SEMA3C: variants seen among roughly 807,000 people sequenced by gnomAD.
The protein encoded by SEMA3C is semaphorin-3C.
A neutral mutation model predicts 89.4 loss-of-function variants in SEMA3C; 47 were observed. That is an observed-to-expected ratio of 0.53 (90% CI 0.42 to 0.67). SEMA3C has a LOEUF of 0.67. Ranked by LOEUF, SEMA3C falls within the 30% of genes least tolerant of loss-of-function variation. The pLI, the probability that SEMA3C is intolerant of heterozygous loss-of-function variation, is 0.00. For synonymous variants in SEMA3C, 310 were observed against 320.2 expected (o/e 0.97, Z 0.34); for missense variants, 839 against 929.1 (o/e 0.90, Z 1.26).
Position 80,805,706 on chromosome 7 carries a change from A to T in SEMA3C, c.591T>A (p.Ala197=). The change falls in exon 7 of 18, where the codon GCT becomes GCA. Residue 197 remains alanine, a synonymous_variant. Transcript: ENST00000265361. ...MYIDFMGTDA[A]IFRSLTKRNA... ...TCCTCTTGGTTAAACTTCGAAAAAT[A>T]GCAGCATCTGTCCCCATGAAATCTA... 1 of 1,610,222 alleles carries T rather than the reference A, an allele frequency of 6.2e-7. No individual in the cohort carries two copies. The highest frequency in any genetic ancestry group is 8.5e-7 in the Non-Finnish European group (1 of 1,176,848).
chr7:80,798,257 A>G (rs772883572), intron 10 of SEMA3C, 21 bp from the exon 11 acceptor site: 14 of 1,408,024 alleles, frequency 9.9e-6, no homozygotes, highest in South Asian at 5.3e-5. Flanking sequence ...AAACAGAAAA[A>G]GGCATTTTCA....
intron 9 of SEMA3C, 83 bp downstream of exon 9, chr7:80,802,582 C>A (rs944690459): frequency 2.6e-6 from 2 of 783,822 alleles, no homozygotes; most frequent in African/African-American, 3.5e-5. Flanking sequence ...ATGGAAAGTA[C>A]ATCTTCTTTT....
At chr7:80,910,098 C>G (rs1426272846) in intron 2 of SEMA3C, among the ~76,000 whole-genome samples, 9 of 152,112 alleles carry the variant, frequency 5.9e-5, no homozygotes. Context: ...TATACAAGCA[C>G]TGCTCATAAT....
chr7:80,848,511 C>T (rs979672697), intron 2 of SEMA3C, among the ~76,000 whole-genome samples: 1 of 152,192 alleles, frequency 6.6e-6, no homozygotes, highest in Non-Finnish European at 1.5e-5. Flanking sequence ...AAGGTCACGT[C>T]ATGGTGCCCC....
intron 2 of SEMA3C, among the ~76,000 whole-genome samples, chr7:80,877,735 G>C (rs1469889648): frequency 6.6e-6 from 1 of 152,058 alleles, no homozygotes; most frequent in South Asian, 2.1e-4. Flanking sequence ...TCTAGTCTTT[G>C]GTTATGCAGT....
At chr7:80,902,967 AT>A (rs998604726) in intron 2 of SEMA3C, among the ~76,000 whole-genome samples, 54 of 152,204 alleles carry the variant, frequency 3.5e-4, no homozygotes, top group African/African-American at 1.3e-3. Context: ...AGCCCGCTGA[AT>A]TACTGGCACC....
In SEMA3C at chr7:80,780,880, T is replaced by C. The variant is rs573796914; in HGVS notation, c.1354+8426A>G. On this transcript the variant is annotated intron_variant, in intron 12 of 17. Coordinates refer to ENST00000265361, the MANE Select transcript of SEMA3C (RefSeq NM_006379.5). ...GCCTGAGCCACAAAGCAAGACCCTG[T>C]CTCATAAAACAACACAAATTTATTA... Among the ~76,000 whole-genome samples, 492 of 152,260 alleles carry C rather than the reference T, an allele frequency of 3.2e-3. 3 individuals carry two copies. Among genetic ancestry groups the C allele is most frequent in the African/African-American group, 0.01 (429 of 41,558 alleles).
At chr7:80,783,836 A>G (rs1788742358) in intron 12 of SEMA3C, among the ~76,000 whole-genome samples, 1 of 152,188 alleles carries the variant, frequency 6.6e-6, no homozygotes, top group African/African-American at 2.4e-5. Context: ...TCCTGGAACC[A>G]ATGTTCCAAC....
chr7:80,898,194 C>T (rs903429108), intron 2 of SEMA3C, among the ~76,000 whole-genome samples: 1 of 151,714 alleles, frequency 6.6e-6, no homozygotes, highest in Non-Finnish European at 1.5e-5. Flanking sequence ...CTGAACCCCG[C>T]GTGCCGACGA....
At chr7:80,894,732 A>AT (rs529477719) in intron 2 of SEMA3C, among the ~76,000 whole-genome samples, 1 of 151,608 alleles carries the variant, frequency 6.6e-6, no homozygotes. Context: ...TTTCATAACT[A>AT]TTTTTTTTAA....
intron 2 of SEMA3C, among the ~76,000 whole-genome samples, chr7:80,867,785 A>T (rs1315062692): frequency 6.6e-6 from 1 of 152,184 alleles, no homozygotes; most frequent in Non-Finnish European, 1.5e-5. Context: ...AAACACTCAA[A>T]ATCTTTACAG....
intron 2 of SEMA3C, among the ~76,000 whole-genome samples, chr7:80,861,747 ATG>A (rs1280721233): frequency 6.6e-6 from 1 of 152,216 alleles, no homozygotes; most frequent in Non-Finnish European, 1.5e-5. Context: ...GAATTAAACA[ATG>A]CATCTCAGAT....
chr7:80,780,308 G>A (rs925554019), intron 12 of SEMA3C, among the ~76,000 whole-genome samples: 8 of 152,138 alleles, frequency 5.3e-5, no homozygotes, highest in African/African-American at 1.7e-4. Context: ...AAGTCCTGGA[G>A]TGCAATAAGC....
intron 12 of SEMA3C, among the ~76,000 whole-genome samples, chr7:80,781,755 C>T (rs953481042): frequency 2.6e-5 from 4 of 152,142 alleles, no homozygotes; most frequent in Admixed American, 6.5e-5. Flanking sequence ...TTAATGTCTT[C>T]AGGCTAGAAA....
At chr7:80,777,143 A>T (rs768647073) in intron 12 of SEMA3C, among the ~76,000 whole-genome samples, 3 of 152,176 alleles carry the variant, frequency 2.0e-5, no homozygotes, top group Non-Finnish European at 4.4e-5. Context: ...CTCCTATAAG[A>T]AAACTGGGCT....
intron 4 of SEMA3C, among the ~76,000 whole-genome samples, chr7:80,823,139 C>T (rs975294584): frequency 3.3e-5 from 5 of 152,130 alleles, no homozygotes; most frequent in African/African-American, 1.2e-4. Context: ...AGAATATACC[C>T]TAAATTGTTA....
At chr7:80,834,799 A>G (rs536768711) in intron 2 of SEMA3C, among the ~76,000 whole-genome samples, 1 of 152,324 alleles carries the variant, frequency 6.6e-6, no homozygotes, top group African/African-American at 2.4e-5. Context: ...GAGTATTTGC[A>G]TATAACCTAC....
intron 8 of SEMA3C, 109 bp downstream of exon 8, chr7:80,803,997 T>G: frequency 1.1e-6 from 1 of 942,850 alleles, no homozygotes; most frequent in Non-Finnish European, 1.5e-6. Flanking sequence ...CATTAAATGC[T>G]TCCCTCAATA....
chr7:80,772,171 A>G lies in SEMA3C; in HGVS notation c.1355-6928T>C, dbSNP rs1788448681. On this transcript the variant is annotated intron_variant, in intron 12 of 17. Transcript: ENST00000265361. Reference sequence around the variant, plus strand: ...CTAGACACATCAATTATTAATTTCTATAATTACATACTGATAATTGGCTGC... The same window carrying G: ...CTAGACACATCAATTATTAATTTCTGTAATTACATACTGATAATTGGCTGC... Among the ~76,000 whole-genome samples the G allele has an allele frequency of 2.0e-5, 3 of 152,194 alleles. No homozygotes were observed. In the South Asian group the frequency reaches 6.2e-4, roughly 31 times the overall value.
Sources: allele counts gnomAD v4.1 joint callset (sites outside exome capture counted in the v4.1 genomes callset), GRCh38; gene constraint gnomAD v4.1.1; transcripts MANE v1.5; gene names NCBI Gene and HGNC (gene_info 2026-07-23, HGNC 2026-07-21).